The following JAZF1 variants were observed in gnomAD, a reference collection of about 807,000 sequenced individuals.
The protein encoded by JAZF1 is JAZF zinc finger 1.
JAZF1 carries 8 observed loss-of-function variants against 26.4 expected under a neutral mutation model. The ratio of observed to expected loss-of-function variants is 0.30; its 90% CI spans 0.18 to 0.55. The LOEUF (loss-of-function observed/expected upper bound fraction) is 0.55, where lower values mean the gene tolerates loss of function less well. Ranked by LOEUF, JAZF1 falls within the 20% of genes least tolerant of loss-of-function variation. JAZF1 has a pLI of 0.94. For missense variants in JAZF1, 199 were observed against 322.0 expected, an observed-to-expected ratio of 0.62 and a Z score of 2.92; for synonymous variants, 126 against 122.3, an observed-to-expected ratio of 1.03 and a Z score of -0.20.
intron 2 of JAZF1, among the ~76,000 whole-genome samples, chr7:27,973,928 A>G (rs757691702): frequency 2.0e-5 from 3 of 152,210 alleles, no homozygotes; most frequent in Admixed American, 1.3e-4. Flanking sequence ...TAGAGCTTCA[A>G]GTAAGGACAA....
At chr7:27,898,311 GTTTTTTT>G (rs370764659) in intron 2 of JAZF1, among the ~76,000 whole-genome samples, 4,468 of 110,916 alleles carry the variant, frequency 0.04, 281 homozygotes, top group African/African-American at 0.11. Flanking sequence ...ATATACATCG[GTTTTTTT>G]TTTTTTTTTT....
intron 1 of JAZF1, among the ~76,000 whole-genome samples, chr7:28,142,107 A>G (rs1241250830): frequency 6.6e-6 from 1 of 152,196 alleles, no homozygotes; most frequent in Admixed American, 6.5e-5. Flanking sequence ...AAATATTAGG[A>G]TTACCTTCTT....
intron 3 of JAZF1, among the ~76,000 whole-genome samples, chr7:27,889,938 A>G (rs1783940975): frequency 6.6e-6 from 1 of 152,170 alleles, no homozygotes; most frequent in Non-Finnish European, 1.5e-5. Flanking sequence ...CTCTCAAAAA[A>G]AAAAAAAAAA....
chr7:27,867,629 GT>G (rs1783497880), intron 3 of JAZF1, among the ~76,000 whole-genome samples: 1 of 152,248 alleles, frequency 6.6e-6, no homozygotes, highest in African/African-American at 2.4e-5. Flanking sequence ...CTGGTAAAAC[GT>G]TATGCGGGTG....
chr7:27,839,945 G>T (rs536056097), intron 4 of JAZF1, among the ~76,000 whole-genome samples: 32 of 152,282 alleles, frequency 2.1e-4, no homozygotes, highest in African/African-American at 7.5e-4. Context: ...GGATGTGAAA[G>T]AGCTGCTAAC....
At chr7:27,950,741 A>G (rs1784995986) in intron 2 of JAZF1, among the ~76,000 whole-genome samples, 1 of 152,336 alleles carries the variant, frequency 6.6e-6, no homozygotes, top group Admixed American at 6.5e-5. Flanking sequence ...CTTGATATTT[A>G]GCCAAGTACA....
At chr7:27,913,425 C>G (rs1784395113) in intron 2 of JAZF1, 2 of 452,586 alleles carry the variant, frequency 4.4e-6, no homozygotes, top group Non-Finnish European at 9.1e-6. Context: ...GAAGGGAGGT[C>G]TTCTCTAGGT....
chr7:28,112,433 A>G (rs933877800), intron 1 of JAZF1, among the ~76,000 whole-genome samples: 7 of 152,244 alleles, frequency 4.6e-5, no homozygotes, highest in Non-Finnish European at 1.0e-4. Flanking sequence ...CATTAATAAG[A>G]GCACACTTAA....
At chr7:27,931,737 G>C (rs34118973) in intron 2 of JAZF1, among the ~76,000 whole-genome samples, 32,395 of 151,998 alleles carry the variant, frequency 0.21, 3,903 homozygotes, top group South Asian at 0.28. Context: ...AGAATTGCTT[G>C]AACCTGGGAG....
chr7:27,890,747 C>T (rs1220013485), intron 3 of JAZF1, among the ~76,000 whole-genome samples: 4 of 151,368 alleles, frequency 2.6e-5, no homozygotes, highest in Middle Eastern at 3.5e-3. Context: ...GTGCTACTTG[C>T]CTTTCCCTCT....
intron 2 of JAZF1, among the ~76,000 whole-genome samples, chr7:27,925,657 C>T (rs1784593083): frequency 6.6e-6 from 1 of 152,148 alleles, no homozygotes; most frequent in Non-Finnish European, 1.5e-5. Context: ...GAACTCCCAG[C>T]GTCAAGGGAT....
At chr7:27,859,257 G>T (rs1418093848) in intron 3 of JAZF1, among the ~76,000 whole-genome samples, 1 of 152,146 alleles carries the variant, frequency 6.6e-6, no homozygotes, top group African/African-American at 2.4e-5. Context: ...GAAACAGGAA[G>T]GCTTTTACAC....
At chr7:27,970,725 A>C (rs1441176980) in intron 2 of JAZF1, among the ~76,000 whole-genome samples, 3 of 152,252 alleles carry the variant, frequency 2.0e-5, no homozygotes, top group African/African-American at 4.8e-5. Flanking sequence ...TTTATTAAAG[A>C]AGCACACATT....
chr7:27,929,957 T>TCTCTCTCTCTCC (rs1456594374), intron 2 of JAZF1, among the ~76,000 whole-genome samples: 48 of 148,910 alleles, frequency 3.2e-4, no homozygotes, highest in South Asian at 1.1e-3. Flanking sequence ...TCTCTCTCTC[T>TCTCTCTCTCTCC]CTCCCCCTCT....
chr7:27,844,425 G>T (rs1299759370), intron 3 of JAZF1: 1 of 152,132 alleles, frequency 6.6e-6, no homozygotes, highest in Non-Finnish European at 1.5e-5. Context: ...CAAATCCCCA[G>T]CAGTCTCCAC....
intron 1 of JAZF1, among the ~76,000 whole-genome samples, chr7:28,121,482 T>C (rs1782605397): frequency 6.6e-6 from 1 of 152,232 alleles, no homozygotes; most frequent in Non-Finnish European, 1.5e-5. Context: ...ATAAGATTTT[T>C]AACATGAGCT....
chr7:27,908,170 C>G (rs1041252896), intron 2 of JAZF1, among the ~76,000 whole-genome samples: 1 of 152,214 alleles, frequency 6.6e-6, no homozygotes, highest in Non-Finnish European at 1.5e-5. Flanking sequence ...ATAACAGCAT[C>G]TATTCATGAA....
At chr7:28,116,564 C>T (rs550361529) in intron 1 of JAZF1, among the ~76,000 whole-genome samples, 41 of 152,134 alleles carry the variant, frequency 2.7e-4, no homozygotes, top group African/African-American at 9.2e-4. Flanking sequence ...CCTGCCTCAG[C>T]CTCTGAGTAG....
intron 1 of JAZF1, among the ~76,000 whole-genome samples, chr7:28,039,139 AGG>A (rs1281724304): frequency 2.0e-5 from 3 of 152,208 alleles, no homozygotes; most frequent in African/African-American, 7.2e-5. Flanking sequence ...TAGCATCTTA[AGG>A]TTTAAAGAGA....
Sources: allele counts gnomAD v4.1 joint callset (sites outside exome capture counted in the v4.1 genomes callset), GRCh38; gene constraint gnomAD v4.1.1; transcripts MANE v1.5; gene names NCBI Gene and HGNC (gene_info 2026-07-23, HGNC 2026-07-21).